The following TNRC18 variants were observed in gnomAD, a reference collection of about 807,000 sequenced individuals.
TNRC18 encodes trinucleotide repeat-containing gene 18 protein.
In TNRC18, 69 loss-of-function variants were observed where a neutral mutation model predicts 226.7. The observed-to-expected ratio is 0.30, with a 90% CI of 0.25 to 0.37. TNRC18 has a LOEUF of 0.37. TNRC18 is among the 10% of genes least tolerant of loss of function. TNRC18 has a pLI of 1.00. For missense variants in TNRC18, 4,754 were observed against 4,256.6 expected, an observed-to-expected ratio of 1.12 and a Z score of -3.25; for synonymous variants, 2,449 against 1,927.6, an observed-to-expected ratio of 1.27 and a Z score of -7.09.
At position 5,409,939 on chromosome 7, in the gene TNRC18, C is replaced by T. The variant is rs563628843; in HGVS notation, c.187+11121G>A. Among the ~76,000 whole-genome samples, 6 of 146,722 alleles carry T rather than the reference C, an allele frequency of 4.1e-5. No individual in the cohort carries two copies. In the East Asian group the frequency reaches 1.0e-3, roughly 24 times the overall value. On this transcript the variant is annotated intron_variant, in intron 2 of 29. Transcript: ENST00000430969. ...CCGGGAGGTGGAGCTTGCAGTGAGC[C>T]GAGATCGCACCACTGCACTCCAGGC...
intron 11 of TNRC18, among the ~76,000 whole-genome samples, chr7:5,367,550 C>A (rs532892658): frequency 3.1e-4 from 47 of 151,276 alleles, no homozygotes; most frequent in African/African-American, 1.1e-3. Flanking sequence ...GCCTCAGCCT[C>A]CCGAGTAGCT....
rs766436646 is a variant in TNRC18 at position 5,312,911 on chromosome 7, G to GGAGGATGAGGAC, written c.7968_7979dup (p.Ser2668_Ser2671dup). 13 of 1,501,166 alleles carry GGAGGATGAGGAC rather than the reference G, an allele frequency of 8.7e-6. No homozygotes were observed. The East Asian group carries it at 3.2e-4, about 37-fold the overall frequency. 93.0% of individuals were successfully genotyped at this position (1,501,166 alleles called of 1,614,324 possible). On this transcript the variant is annotated inframe_insertion, in exon 27 of 30. Coordinates refer to ENST00000430969, the MANE Select transcript of TNRC18 (RefSeq NM_001080495.3). The surrounding 1 kb of genome is among the most constrained non-coding windows in gnomAD (Gnocchi z 6.3). Reference sequence around the variant, plus strand: ...AAGAGGAGGAAGAGGAGGAGGAGGAGGAGGATGAGGACGAGGAAGAGGAGG... The same window carrying GGAGGATGAGGAC: ...AAGAGGAGGAAGAGGAGGAGGAGGAGGAGGATGAGGACGAGGATGAGGACGAGGAAGAGGAGG...
chr7:5,390,584 G>C lies in TNRC18; in HGVS notation c.388C>G (p.Leu130Val). Reference protein sequence around the residue: ...PSGLYPSYLHLNHLEPPSSGS... With the variant: ...PSGLYPSYLHVNHLEPPSSGS... ...CTGCTGGGGGGCTCCAGGTGGTTCAGGTGGAGGTAGGATGGGTACAGCCCA... is the reference window on the plus strand; with the variant it reads ...CTGCTGGGGGGCTCCAGGTGGTTCACGTGGAGGTAGGATGGGTACAGCCCA... Residue 130 changes from leucine (L) to valine (V), a missense_variant, in exon 4 of 30, where the codon CTG (leucine) becomes GTG (valine). By Grantham distance (32) the Leu-to-Val change is conservative (BLOSUM62 1). Coordinates refer to ENST00000430969, the MANE Select transcript of TNRC18 (RefSeq NM_001080495.3). The C allele has an allele frequency of 6.2e-7, 1 of 1,612,322 alleles. No homozygotes were observed.
At position 5,338,074 on chromosome 7, in the gene TNRC18, G is replaced by C. The variant is rs574685983; in HGVS notation, c.5720-5025C>G. 1.8e-3 allele frequency among the ~76,000 whole-genome samples: 273 copies of C among 152,130 alleles called. 1 individual carries two copies. Among genetic ancestry groups the C allele is most frequent in the African/African-American group, 6.1e-3 (254 of 41,500 alleles). ...GTATTACATATAATATAAAATATGA[G>C]GTATGATATGGACTTACAAAGTTGC... On this transcript the variant is annotated intron_variant, in intron 18 of 29. Coordinates refer to ENST00000430969, the MANE Select transcript of TNRC18 (RefSeq NM_001080495.3).
At chr7:5,364,712 C>T (rs1793440944) in intron 11 of TNRC18, among the ~76,000 whole-genome samples, 2 of 146,882 alleles carry the variant, frequency 1.4e-5, no homozygotes, top group African/African-American at 5.0e-5. Flanking sequence ...GCTGAGGCAC[C>T]AGAATCGCTT....
At chr7:5,342,730 G>A (rs1790808701) in intron 18 of TNRC18, among the ~76,000 whole-genome samples, 1 of 152,218 alleles carries the variant, frequency 6.6e-6, no homozygotes, top group Non-Finnish European at 1.5e-5. Flanking sequence ...CACAAGCTTA[G>A]CCGATAAAGC....
chr7:5,348,718 G>T (rs1012882006), intron 17 of TNRC18, among the ~76,000 whole-genome samples: 1 of 152,018 alleles, frequency 6.6e-6, no homozygotes, highest in African/African-American at 2.4e-5. Context: ...GGGTGAGAGG[G>T]GAGACTGGCC....
At chr7:5,352,612 G>A (rs1257573147) in intron 16 of TNRC18, among the ~76,000 whole-genome samples, 5 of 152,266 alleles carry the variant, frequency 3.3e-5, no homozygotes, top group African/African-American at 1.2e-4. Context: ...TACACCATGG[G>A]AATGGGCAAA....
At chr7:5,412,065 T>G (rs1453686338) in intron 2 of TNRC18, among the ~76,000 whole-genome samples, 1 of 151,788 alleles carries the variant, frequency 6.6e-6, no homozygotes, top group Non-Finnish European at 1.5e-5. Flanking sequence ...AACGCACCTG[T>G]AGTCCTAGCT....
chr7:5,360,391 G>A (rs1255322188), intron 14 of TNRC18, among the ~76,000 whole-genome samples: 1 of 151,772 alleles, frequency 6.6e-6, no homozygotes, highest in African/African-American at 2.4e-5. Flanking sequence ...CACCACACCT[G>A]GCTAATTTTT....
At position 5,309,381 on chromosome 7, in the gene TNRC18, G is replaced by C; in HGVS notation, c.8389-13C>G. On this transcript the variant is annotated splice_polypyrimidine_tract_variant and intron_variant, in intron 27 of 29. Coordinates refer to ENST00000430969, the MANE Select transcript of TNRC18 (RefSeq NM_001080495.3). The surrounding 1 kb of genome is among the most constrained non-coding windows in gnomAD (Gnocchi z 5.7). The stretch of plus-strand genomic sequence containing the variant: ...TCATGCCACGCCGCTGCAAGGACAC[G>C]TGTGTCACGGCACAGGCCCTGGCCC... 1 of 1,596,780 alleles carries C rather than the reference G, an allele frequency of 6.3e-7. No individual in the cohort carries two copies. Among genetic ancestry groups the C allele is most frequent in the Non-Finnish European group, 8.5e-7 (1 of 1,171,548 alleles).
intron 2 of TNRC18, among the ~76,000 whole-genome samples, chr7:5,414,558 A>G (rs60751339): frequency 0.02 from 3,004 of 151,150 alleles, 103 homozygotes; most frequent in African/African-American, 0.07. Context: ...GACTGCAGGC[A>G]CCCGCCACCA....
In TNRC18 at chr7:5,332,912, G is replaced by T. The variant is rs1304882566; in HGVS notation, c.5857C>A (p.Pro1953Thr). The change falls in exon 19 of 30, where the codon CCC (proline) becomes ACC (threonine). Residue 1953 changes from proline to threonine, a missense_variant. By Grantham distance (38) the Pro-to-Thr change is conservative (BLOSUM62 -1). Coordinates refer to ENST00000430969, the MANE Select transcript of TNRC18 (RefSeq NM_001080495.3). ...LAAPTPGARG[P>T]DPSSPDKAKL... is the part of the protein sequence containing the mutation. ...GCCTTGTCTGGGCTGCTGGGGTCGGGACCGCGGGCGCCAGGCGTGGGTGCG... is the reference window on the plus strand; with the variant it reads ...GCCTTGTCTGGGCTGCTGGGGTCGGTACCGCGGGCGCCAGGCGTGGGTGCG... 1 of 1,538,714 alleles carries T rather than the reference G, an allele frequency of 6.5e-7. No homozygotes were observed. Among genetic ancestry groups the T allele is most frequent in the South Asian group, 1.2e-5 (1 of 84,434 alleles).
chr7:5,404,741 C>G (rs1307652369), intron 2 of TNRC18, among the ~76,000 whole-genome samples: 1 of 149,538 alleles, frequency 6.7e-6, no homozygotes, highest in Non-Finnish European at 1.5e-5. Context: ...CATCAAAACC[C>G]CAGCAGCGCA....
At chr7:5,354,496 C>G (rs1249108587) in intron 16 of TNRC18, among the ~76,000 whole-genome samples, 1 of 151,928 alleles carries the variant, frequency 6.6e-6, no homozygotes, top group Non-Finnish European at 1.5e-5. Flanking sequence ...ATTGAGAGAG[C>G]AAAAGAAAGC....
Position 5,394,528 on chromosome 7 carries a change from T to C in TNRC18, c.255A>G (p.Pro85=), listed in dbSNP as rs2128202889. Residue 85 remains proline, a synonymous_variant, in exon 3 of 30, where the codon CCA becomes CCG. Coordinates refer to ENST00000430969, the MANE Select transcript of TNRC18 (RefSeq NM_001080495.3). The surrounding 1 kb of genome is among the most constrained non-coding windows in gnomAD (Gnocchi z 4.5). ...AAGACAGGTCAGAGGGCAGTGGCAC[T>C]GGGCTCCCATGGGACGAGGCCGAGG... is the stretch of plus-strand genomic sequence containing the variant. ...MGPSASSHGS[P]VPLPSDLSFR... 1.3e-6 allele frequency: 2 copies of C among 1,553,096 alleles called. No homozygotes were observed. The highest frequency in any genetic ancestry group is 1.2e-5 in the South Asian group (1 of 83,826).
chr7:5,400,917 C>G (rs1375368901), intron 2 of TNRC18, among the ~76,000 whole-genome samples: 1 of 152,076 alleles, frequency 6.6e-6, no homozygotes, highest in Non-Finnish European at 1.5e-5. Flanking sequence ...GTGGTGCACG[C>G]CTGTAACCCA....
intron 17 of TNRC18, among the ~76,000 whole-genome samples, chr7:5,349,873 G>A (rs1342492729): frequency 6.6e-6 from 1 of 152,210 alleles, no homozygotes; most frequent in African/African-American, 2.4e-5. Flanking sequence ...GACCTGCTCA[G>A]TGGTGGACTG....
In TNRC18 at chr7:5,389,244, C is replaced by A; in HGVS notation, c.580G>T (p.Ala194Ser). 1.5e-6 allele frequency: 2 copies of A among 1,324,968 alleles called. No homozygotes were observed. Among genetic ancestry groups the A allele is most frequent in the Non-Finnish European group, 1.9e-6 (2 of 1,038,166 alleles). 82.1% of individuals were successfully genotyped at this position (1,324,968 alleles called of 1,614,324 possible). The change falls in exon 5 of 30, where the codon GCC becomes TCC. Residue 194 changes from alanine to serine, a missense_variant. Transcript: ENST00000430969. ...CGCGACGACGAGCCTTTGGCCGGGGCGCCCGAGGAGTGGCCGCCGCCAGGG... is the reference window on the plus strand; with the variant it reads ...CGCGACGACGAGCCTTTGGCCGGGGAGCCCGAGGAGTGGCCGCCGCCAGGG... The part of the protein sequence containing the change: ...RTPGGGHSSG[A>S]PAKGSSSRDG...
Sources: allele counts gnomAD v4.1 joint callset (sites outside exome capture counted in the v4.1 genomes callset), GRCh38; gene constraint gnomAD v4.1.1; non-coding constraint Gnocchi (gnomAD v3.1); transcripts MANE v1.5; gene names NCBI Gene and HGNC (gene_info 2026-07-23, HGNC 2026-07-21).